SHTN1: variants seen among roughly 807,000 people sequenced by gnomAD.
SHTN1 encodes the protein shootin 1, also known as shootin-1.
SHTN1 carries 42 observed loss-of-function variants against 83.1 expected under a neutral mutation model. The ratio of observed to expected loss-of-function variants is 0.51; its 90% CI spans 0.39 to 0.65. The LOEUF (loss-of-function observed/expected upper bound fraction) is 0.65, where lower values mean the gene tolerates loss of function less well. Ranked by LOEUF, SHTN1 falls within the 30% of genes least tolerant of loss-of-function variation. The probability of loss-of-function intolerance (pLI) is 0.00; values close to 1 mark genes in which losing one functional copy is unlikely to be tolerated. For missense variants in SHTN1, 622 were observed against 737.8 expected (o/e 0.84, Z 1.82); for synonymous variants, 224 against 247.7 (o/e 0.90, Z 0.90).
intron 12 of SHTN1, among the ~76,000 whole-genome samples, chr10:116,918,923 C>A (rs934684075): frequency 2.0e-5 from 3 of 152,164 alleles, no homozygotes; most frequent in African/African-American, 7.2e-5. Flanking sequence ...TTATTATCTT[C>A]AGAGTGTAAT....
At chr10:116,990,912 C>A (rs143102483) in intron 1 of SHTN1, among the ~76,000 whole-genome samples, 1,823 of 151,968 alleles carry the variant, frequency 0.012, 25 homozygotes, top group African/African-American at 0.041. Flanking sequence ...TTTGGCCGGG[C>A]GCAGTGGCTC....
intron 13 of SHTN1, among the ~76,000 whole-genome samples, chr10:116,913,909 G>A (rs1258000836): frequency 1.3e-5 from 2 of 152,146 alleles, no homozygotes. Context: ...CACCAGCACT[G>A]GGCCAGCTGT....
chr10:116,913,063 C>T (rs376698278), intron 13 of SHTN1, among the ~76,000 whole-genome samples: 9 of 152,114 alleles, frequency 5.9e-5, no homozygotes, highest in African/African-American at 1.9e-4. Flanking sequence ...CCACCACCAC[C>T]ACCACCACCA....
At chr10:117,118,010 C>A (rs1853873042) in intron 1 of SHTN1, among the ~76,000 whole-genome samples, 1 of 152,084 alleles carries the variant, frequency 6.6e-6, no homozygotes. Flanking sequence ...ACCTCAAAAG[C>A]AAAGGCAACC....
intron 1 of SHTN1, among the ~76,000 whole-genome samples, chr10:117,123,054 G>C (rs1390005927): frequency 1.3e-5 from 2 of 152,166 alleles, no homozygotes; most frequent in Non-Finnish European, 2.9e-5. Context: ...CCAGGCTGGA[G>C]TGCAATGGTG....
Position 116,883,172 on chromosome 10 carries a change from T to C in SHTN1, c.*3172A>G, listed in dbSNP as rs1378806768. The C allele has an allele frequency of 6.6e-6, 1 of 152,198 alleles. No individual in the cohort carries two copies. Among genetic ancestry groups the C allele is most frequent in the Non-Finnish European group, 1.5e-5 (1 of 68,046 alleles). The allele number at this position is 152,198 out of a possible 1,614,324, so 9.4% of individuals were successfully genotyped here. A position where few individuals can be genotyped will look rare whatever the true frequency, so the allele number is the denominator to read the frequency against. On this transcript the variant is annotated 3_prime_UTR_variant, in exon 17 of 17. Transcript: ENST00000355371. ...CAACACAGAGCAGTTTACTCACCTA[T>C]CCTCGAGACTGCACTCACCAATGGA...
chr10:117,098,223 CTA>C (rs1491485737), intron 1 of SHTN1, among the ~76,000 whole-genome samples: 2 of 36,038 alleles, frequency 5.5e-5, no homozygotes, highest in Non-Finnish European at 7.1e-5. Context: ...CCCGTCTCTA[CTA>C]AAAAAAAAAA....
At chr10:116,983,870 A>G (rs982192464) in intron 1 of SHTN1, among the ~76,000 whole-genome samples, 1 of 152,148 alleles carries the variant, frequency 6.6e-6, no homozygotes, top group African/African-American at 2.4e-5. Context: ...AACAAGGAGA[A>G]TATCAGGCAG....
intron 1 of SHTN1, among the ~76,000 whole-genome samples, chr10:117,089,389 C>A (rs1317160916): frequency 6.6e-6 from 1 of 152,088 alleles, no homozygotes; most frequent in East Asian, 1.9e-4. Flanking sequence ...TTTGTACTCT[C>A]TTTAAAAAGT....
chr10:117,119,506 A>T (rs1403530849), intron 1 of SHTN1, among the ~76,000 whole-genome samples: 1 of 152,342 alleles, frequency 6.6e-6, no homozygotes, highest in African/African-American at 2.4e-5. Context: ...ATCTCACTCC[A>T]GTTAAAATGG....
intron 1 of SHTN1, among the ~76,000 whole-genome samples, chr10:117,113,438 G>A (rs925414084): frequency 6.6e-6 from 1 of 152,194 alleles, no homozygotes; most frequent in African/African-American, 2.4e-5. Context: ...ACCAACTGCT[G>A]AAGCAGGCTG....
chr10:116,907,319 G>C (rs1848008547), intron 14 of SHTN1, among the ~76,000 whole-genome samples: 3 of 152,150 alleles, frequency 2.0e-5, no homozygotes, highest in Non-Finnish European at 4.4e-5. Flanking sequence ...AGTATGAAAG[G>C]AAAGTTATAA....
At position 116,960,210 on chromosome 10, in the gene SHTN1, C is replaced by T; in HGVS notation, c.193G>A (p.Glu65Lys). 6.2e-7 allele frequency: 1 copy of T among 1,603,454 alleles called. No individual in the cohort carries two copies. Among genetic ancestry groups the T allele is most frequent in the Non-Finnish European group, 8.5e-7 (1 of 1,170,874 alleles). Residue 65 changes from glutamate to lysine, a missense_variant, in exon 4 of 17, where the codon GAA becomes AAA. Transcript: ENST00000355371. Reference sequence around the variant, plus strand: ...AGATGGTTCTGCATGAAATTAACTTCCTCTATGACCATGTGAGAAACTAGG... The same window carrying T: ...AGATGGTTCTGCATGAAATTAACTTTCTCTATGACCATGTGAGAAACTAGG... ...FQKISHMVIE[E>K]VNFMQNHLEI...
At chr10:117,102,452 G>C (rs1241281276) in intron 1 of SHTN1, among the ~76,000 whole-genome samples, 1 of 152,004 alleles carries the variant, frequency 6.6e-6, no homozygotes, top group Admixed American at 6.6e-5. Context: ...AATACCTGAG[G>C]AAATGGGCTG....
Position 116,929,874 on chromosome 10 carries a change from C to G in SHTN1, c.987G>C (p.Glu329Asp). The change falls in exon 10 of 17, where the codon GAG (glutamate) becomes GAC (aspartate). Residue 329 changes from glutamate to aspartate, a missense_variant. Transcript: ENST00000355371. ...CAGAGTGCTTTAAATTTCTGGCTTT[C>G]TCTTCAGAATTCTGATATTTCAATT... is the stretch of plus-strand genomic sequence containing the variant. Reference protein sequence around the residue: ...ELELKYQNSEEKARNLKHSVD... With the variant: ...ELELKYQNSEDKARNLKHSVD... 1 of 1,605,566 alleles carries G rather than the reference C, an allele frequency of 6.2e-7. No individual in the cohort carries two copies. Among genetic ancestry groups the G allele is most frequent in the Non-Finnish European group, 8.5e-7 (1 of 1,177,266 alleles).
At chr10:117,086,416 T>C (rs951871884) in intron 1 of SHTN1, among the ~76,000 whole-genome samples, 1 of 152,246 alleles carries the variant, frequency 6.6e-6, no homozygotes, top group Non-Finnish European at 1.5e-5. Flanking sequence ...TGTCTTTTCA[T>C]TGATGTATTA....
At chr10:116,940,304 AGTT>A (rs1849320786) in intron 9 of SHTN1, among the ~76,000 whole-genome samples, 159 bp downstream of exon 9, 1 of 152,190 alleles carries the variant, frequency 6.6e-6, no homozygotes, top group Admixed American at 6.6e-5. Flanking sequence ...AAGTTCATTT[AGTT>A]ATTTTTTTCT....
At chr10:116,985,388 C>T (rs1851185163) in intron 1 of SHTN1, among the ~76,000 whole-genome samples, 1 of 152,102 alleles carries the variant, frequency 6.6e-6, no homozygotes, top group African/African-American at 2.4e-5. Context: ...GTCATTCATC[C>T]AAAAAGACAT....
intron 12 of SHTN1, among the ~76,000 whole-genome samples, chr10:116,917,409 A>G (rs1055464894): frequency 1.3e-5 from 2 of 152,196 alleles, no homozygotes; most frequent in Non-Finnish European, 2.9e-5. Context: ...GGTTCAAGCA[A>G]TTCTCCTGCC....
Sources: gnomAD v4.1 joint callset for allele counts (sites outside exome capture counted in the v4.1 genomes callset) on GRCh38, gnomAD v4.1.1 for gene constraint, MANE v1.5 for transcripts, NCBI Gene and HGNC (gene_info 2026-07-23, HGNC 2026-07-21) for gene names.